Variants in COL7A1 observed in about 807,000 individuals in gnomAD.
COL7A1 encodes collagen type VII alpha 1 chain, also known as collagen alpha-1(VII) chain.
In COL7A1, 296 loss-of-function variants were observed where a neutral mutation model predicts 456.2. The observed-to-expected ratio is 0.65, with a 90% CI of 0.59 to 0.71. COL7A1 has a LOEUF of 0.71. COL7A1 is among the 30% of genes least tolerant of loss of function. The pLI is 0.00. For missense variants in COL7A1, 3,441 were observed against 4,017.2 expected, an observed-to-expected ratio of 0.86 and a Z score of 3.88; for synonymous variants, 1,464 against 1,525.9, an observed-to-expected ratio of 0.96 and a Z score of 0.95.
chr3:48,568,271 C>G lies in COL7A1; in HGVS notation c.7795-101G>C. On this transcript the variant is annotated intron_variant, in intron 105 of 118. Coordinates refer to ENST00000681320, the MANE Select transcript of COL7A1 (RefSeq NM_000094.4). The surrounding 1 kb of genome is among the most constrained non-coding windows in gnomAD (Gnocchi z 5.2). ...AGGGAACACCATGGGGTGGGAGTCA[C>G]CTCTGGAGGCCAGAGCCACTGGGGC... is the stretch of plus-strand genomic sequence containing the variant. 1 of 1,363,778 alleles carries G rather than the reference C, an allele frequency of 7.3e-7. No homozygotes were observed. The highest frequency in any genetic ancestry group is 1.0e-6 in the Non-Finnish European group (1 of 967,086). The allele number at this position is 1,363,778 out of a possible 1,614,324, so 84.5% of individuals were successfully genotyped here. A position where few individuals can be genotyped will look rare whatever the true frequency, so the allele number is the denominator to read the frequency against.
chr3:48,582,696 G>A (rs375130183), intron 44 of COL7A1, 43 bp from the exon 45 acceptor site: 21 of 1,605,606 alleles, frequency 1.3e-5, no homozygotes, highest in South Asian at 7.7e-5. Flanking sequence ...GGGTGGGGAC[G>A]GGGGATATGG....
In COL7A1 at chr3:48,587,710, G is replaced by C; in HGVS notation, c.2857+83C>G. The C allele has an allele frequency of 6.2e-7, 1 of 1,607,370 alleles. No individual in the cohort carries two copies. The highest frequency in any genetic ancestry group is 8.5e-7 in the Non-Finnish European group (1 of 1,174,722). Reference sequence around the variant, plus strand: ...CAGAGGGTGAGGGGTAGGGGTACAGGAGGAGTCACTCAGAGTCGGGGTGCA... The same window carrying C: ...CAGAGGGTGAGGGGTAGGGGTACAGCAGGAGTCACTCAGAGTCGGGGTGCA... On this transcript the variant is annotated intron_variant, in intron 22 of 118. Transcript: ENST00000681320. This position sits in a 1 kb window ranked among gnomAD's most constrained non-coding sequence, Gnocchi z 6.1.
rs1280484229 is a variant in COL7A1 at position 48,575,030 on chromosome 3, A to G, written c.6279+34T>C. 3.7e-6 allele frequency: 6 copies of G among 1,600,820 alleles called. No individual in the cohort carries two copies. The highest frequency in any genetic ancestry group is 3.3e-5 in the Admixed American group (2 of 59,940). On this transcript the variant is annotated intron_variant, in intron 76 of 118. Transcript: ENST00000681320. The surrounding 1 kb of genome is among the most constrained non-coding windows in gnomAD (Gnocchi z 6.3). ...AGCTAAGGGTGGCTTCCTGGTCACTAGTCACAGGACTAAGGCAGGGATGGG... is the reference window on the plus strand; with the variant it reads ...AGCTAAGGGTGGCTTCCTGGTCACTGGTCACAGGACTAAGGCAGGGATGGG...
chr3:48,578,426 G>A lies in COL7A1; in HGVS notation c.5487+27C>T, dbSNP rs771523385. ...CGGGTGAGGGTAGTAAGGGGGAAAA[G>A]GGGGTAACATGAAAGTCTGGTCTCA... On this transcript the variant is annotated intron_variant, in intron 64 of 118. Coordinates refer to ENST00000681320, the MANE Select transcript of COL7A1 (RefSeq NM_000094.4). The surrounding 1 kb of genome is among the most constrained non-coding windows in gnomAD (Gnocchi z 4.7). 5.6e-6 allele frequency: 9 copies of A among 1,613,388 alleles called. No individual in the cohort carries two copies. The South Asian group carries it at 6.6e-5, about 12-fold the overall frequency.
chr3:48,564,571 G>T lies in COL7A1; in HGVS notation c.8819-149C>A. On this transcript the variant is annotated intron_variant, in intron 118 of 118. Coordinates refer to ENST00000681320, the MANE Select transcript of COL7A1 (RefSeq NM_000094.4). The surrounding 1 kb of genome is among the most constrained non-coding windows in gnomAD (Gnocchi z 6.0). Reference sequence around the variant, plus strand: ...GGGGTCCATACTTAGGTCTTTAAAGGAGGGAACATGGAAGGGGACCCTACT... The same window carrying T: ...GGGGTCCATACTTAGGTCTTTAAAGTAGGGAACATGGAAGGGGACCCTACT... The T allele has an allele frequency of 9.2e-7, 1 of 1,092,656 alleles. No homozygotes were observed. The highest frequency in any genetic ancestry group is 1.4e-6 in the Non-Finnish European group (1 of 735,156). 67.7% of individuals were successfully genotyped at this position (1,092,656 alleles called of 1,614,324 possible).
In COL7A1 at chr3:48,584,415, C is replaced by A. The variant is rs763456872; in HGVS notation, c.4120-40G>T. On this transcript the variant is annotated intron_variant, in intron 36 of 118. Coordinates refer to ENST00000681320, the MANE Select transcript of COL7A1 (RefSeq NM_000094.4). ...AAAGTATAAGGTGCAACCCCACAGA[C>A]CTCACTCTCGCCCCCCTCGTGTTGG... 13 of 1,613,374 alleles carry A rather than the reference C, an allele frequency of 8.1e-6. 1 individual carries two copies. Among genetic ancestry groups the A allele is most frequent in the South Asian group, 5.5e-5 (5 of 91,076 alleles).
Position 48,582,472 on chromosome 3 carries a change from AC to A in COL7A1, c.4599+5del, listed in dbSNP as rs2107718841. ...CAGACAGTGCCACCCCCAGCCGAGG[AC>A]CCACCTTCTCTCCTTGGCGGCCAGT... On this transcript the variant is annotated splice_donor_5th_base_variant and intron_variant, in intron 46 of 118. Transcript: ENST00000681320. 6.2e-7 allele frequency: 1 copy of A among 1,614,030 alleles called. No homozygotes were observed. Among genetic ancestry groups the A allele is most frequent in the East Asian group, 2.2e-5 (1 of 44,872 alleles).
In COL7A1 at chr3:48,578,860, T is replaced by C. The variant is rs2044513959; in HGVS notation, c.5424+59A>G. The stretch of plus-strand genomic sequence containing the variant: ...CTCTCGGATGCTGTGACTATGATGA[T>C]CTGGTTGGAGCTTACGCAGCCCCGA... On this transcript the variant is annotated intron_variant, in intron 63 of 118. Transcript: ENST00000681320. This position sits in a 1 kb window ranked among gnomAD's most constrained non-coding sequence, Gnocchi z 4.7. 1.3e-6 allele frequency: 2 copies of C among 1,549,808 alleles called. No homozygotes were observed. The highest frequency in any genetic ancestry group is 1.8e-6 in the Non-Finnish European group (2 of 1,140,072).
chr3:48,584,616 GCCC>G, intron 35 of COL7A1, 60 bp from the exon 36 acceptor site: 2 of 1,611,572 alleles, frequency 1.2e-6, no homozygotes, highest in Non-Finnish European at 1.7e-6. Context: ...GCTGGAAGAA[GCCC>G]CTAGACATGT....
Position 48,565,467 on chromosome 3 carries a change from C to A in COL7A1, c.8470G>T (p.Ala2824Ser), listed in dbSNP as rs1210237099. The A allele has an allele frequency of 6.2e-7, 1 of 1,613,238 alleles. No homozygotes were observed. Among genetic ancestry groups the A allele is most frequent in the Admixed American group, 1.7e-5 (1 of 59,894 alleles). ...GGCACAGCATGGAGCTGGGAGCCGG[C>A]AGTGTCTGCAGCATAACTAGGGAGG... ...RPLPSYAADTAGSQLHAVPVL... is the reference protein window; with the variant it reads ...RPLPSYAADTSGSQLHAVPVL... The change falls in exon 116 of 119, where the codon GCC (alanine) becomes TCC (serine). Residue 2824 changes from alanine to serine, a missense_variant. By Grantham distance (99) the Ala-to-Ser change is moderately conservative (BLOSUM62 1). Around this residue, in one of 3 missense-constraint regions of COL7A1, gnomAD observed 2,084 missense variants for 2,501.3 expected, o/e 0.83. Coordinates refer to ENST00000681320, the MANE Select transcript of COL7A1 (RefSeq NM_000094.4). The surrounding 1 kb of genome is among the most constrained non-coding windows in gnomAD (Gnocchi z 4.5).
In COL7A1 at chr3:48,565,085, C is replaced by T. The variant is rs751914144; in HGVS notation, c.8620+24G>A. 8 of 1,460,824 alleles carry T rather than the reference C, an allele frequency of 5.5e-6. No homozygotes were observed. The South Asian group carries it at 8.1e-5, about 15-fold the overall frequency. 90.5% of individuals were successfully genotyped at this position (1,460,824 alleles called of 1,614,324 possible). On this transcript the variant is annotated intron_variant, in intron 117 of 118. Coordinates refer to ENST00000681320, the MANE Select transcript of COL7A1 (RefSeq NM_000094.4). The surrounding 1 kb of genome is among the most constrained non-coding windows in gnomAD (Gnocchi z 4.5). ...AGCCCTGCCTGCCCCTCCCCAGACC[C>T]CGCTGGCAGCCCCCCATTCTCACCA...
intron 65 of COL7A1, among the ~76,000 whole-genome samples, chr3:48,577,833 C>A (rs554095986): frequency 6.6e-6 from 1 of 152,342 alleles, no homozygotes; most frequent in African/African-American, 2.4e-5. Context: ...ATTCACCTAA[C>A]TCCCTATGTG....
Position 48,581,871 on chromosome 3 carries a change from A to G in COL7A1, c.4668+40T>C, listed in dbSNP as rs561657172. ...AGATAGGCCCTATGACCTAGACCTC[A>G]ACCCTGTAGAAACCTCCCCTTGCCC... On this transcript the variant is annotated intron_variant, in intron 48 of 118. Transcript: ENST00000681320. This position sits in a 1 kb window ranked among gnomAD's most constrained non-coding sequence, Gnocchi z 5.8. 6.2e-7 allele frequency: 1 copy of G among 1,614,016 alleles called. No individual in the cohort carries two copies. Among genetic ancestry groups the G allele is most frequent in the South Asian group, 1.1e-5 (1 of 91,080 alleles).
chr3:48,571,636 A>T lies in COL7A1; in HGVS notation c.7069-358T>A. ...TCCCGGGTAGAGCAGGCATGGCCAC[A>T]GGCTGAACGCTGGCAGCCAGGGGCA... On this transcript the variant is annotated intron_variant, in intron 92 of 118. Coordinates refer to ENST00000681320, the MANE Select transcript of COL7A1 (RefSeq NM_000094.4). The surrounding 1 kb of genome is among the most constrained non-coding windows in gnomAD (Gnocchi z 4.6). 1.5e-6 allele frequency: 1 copy of T among 653,172 alleles called. No homozygotes were observed. The highest frequency in any genetic ancestry group is 3.1e-5 in the East Asian group (1 of 31,790). The allele number at this position is 653,172 out of a possible 1,614,324, so 40.5% of individuals were successfully genotyped here. A position where few individuals can be genotyped will look rare whatever the true frequency, so the allele number is the denominator to read the frequency against.
intron 16 of COL7A1, 129 bp from the exon 17 acceptor site, chr3:48,589,847 T>C (rs1425360402): frequency 2.3e-6 from 3 of 1,330,866 alleles, no homozygotes; most frequent in Non-Finnish European, 3.2e-6. Context: ...ATAGGTCCAG[T>C]GGAGGAGTGG....
Position 48,570,382 on chromosome 3 carries a change from G to A in COL7A1, c.7381-48C>T, listed in dbSNP as rs2043832412. On this transcript the variant is annotated intron_variant, in intron 97 of 118. Coordinates refer to ENST00000681320, the MANE Select transcript of COL7A1 (RefSeq NM_000094.4). This position sits in a 1 kb window ranked among gnomAD's most constrained non-coding sequence, Gnocchi z 5.5. The stretch of plus-strand genomic sequence containing the variant: ...GGATCAGTGAGGGGAATCAGTGGGG[G>A]ACGCAGGGTCATGGGAGGTCAGTGG... 2 of 1,613,836 alleles carry A rather than the reference G, an allele frequency of 1.2e-6. No individual in the cohort carries two copies. Among genetic ancestry groups the A allele is most frequent in the South Asian group, 2.2e-5 (2 of 91,082 alleles).
Position 48,578,848 on chromosome 3 carries a change from T to C in COL7A1, c.5424+71A>G. 1 of 1,502,424 alleles carries C rather than the reference T, an allele frequency of 6.7e-7. No individual in the cohort carries two copies. Among genetic ancestry groups the C allele is most frequent in the Non-Finnish European group, 9.0e-7 (1 of 1,106,426 alleles). The allele number at this position is 1,502,424 out of a possible 1,614,324, so 93.1% of individuals were successfully genotyped here. A position where few individuals can be genotyped will look rare whatever the true frequency, so the allele number is the denominator to read the frequency against. ...CCCCCACCAACTCTCTCGGATGCTGTGACTATGATGATCTGGTTGGAGCTT... is the reference window on the plus strand; with the variant it reads ...CCCCCACCAACTCTCTCGGATGCTGCGACTATGATGATCTGGTTGGAGCTT... On this transcript the variant is annotated intron_variant, in intron 63 of 118. Transcript: ENST00000681320. This position sits in a 1 kb window ranked among gnomAD's most constrained non-coding sequence, Gnocchi z 4.7.
chr3:48,594,483 G>C lies in COL7A1; in HGVS notation c.151C>G (p.Arg51Gly), dbSNP rs775852765. The change falls in exon 3 of 119, where the codon CGC (arginine) becomes GGC (glycine). Residue 51 changes from arginine (R) to glycine (G), a missense_variant. Arg to Gly is a moderately radical substitution (Grantham distance 125). This residue lies in a region of COL7A1 where 913 missense variants were observed against 1,088.2 expected (regional missense o/e 0.84). Transcript: ENST00000681320. The surrounding 1 kb of genome is among the most constrained non-coding windows in gnomAD (Gnocchi z 5.5). ...FLLDGSSSIGRSNFREVRSFL... is the reference protein window; with the variant it reads ...FLLDGSSSIGGSNFREVRSFL... ...CTGCGGACCTCGCGGAAATTGCTGCGGCCAATGGATGAGGAGCCATCCAGT... is the reference window on the plus strand; with the variant it reads ...CTGCGGACCTCGCGGAAATTGCTGCCGCCAATGGATGAGGAGCCATCCAGT... The C allele has an allele frequency of 9.3e-6, 15 of 1,612,238 alleles. No homozygotes were observed. Among genetic ancestry groups the C allele is most frequent in the Non-Finnish European group, 1.2e-5 (14 of 1,180,028 alleles).
chr3:48,587,683 G>A lies in COL7A1; in HGVS notation c.2857+110C>T. 20 of 1,600,900 alleles carry A rather than the reference G, an allele frequency of 1.2e-5. No individual in the cohort carries two copies. The highest frequency in any genetic ancestry group is 1.6e-5 in the Non-Finnish European group (19 of 1,169,054). On this transcript the variant is annotated intron_variant, in intron 22 of 118. Transcript: ENST00000681320. The surrounding 1 kb of genome is among the most constrained non-coding windows in gnomAD (Gnocchi z 6.1). ...GGAGGTCATGCTGGGGTCACCCAGG[G>A]TCAGAGGGTGAGGGGTAGGGGTACA...
Sources: allele counts gnomAD v4.1 joint callset (sites outside exome capture counted in the v4.1 genomes callset), GRCh38; gene constraint gnomAD v4.1.1; regional missense constraint gnomAD v4.1.1; non-coding constraint Gnocchi (gnomAD v3.1); transcripts MANE v1.5; gene names NCBI Gene and HGNC (gene_info 2026-07-23, HGNC 2026-07-21).